Variants in IQSEC1 observed in about 807,000 individuals in gnomAD.
IQSEC1 encodes the protein IQ motif and SEC7 domain-containing protein 1.
A neutral mutation model predicts 91.0 loss-of-function variants in IQSEC1; 31 were observed. That is an observed-to-expected ratio of 0.34 (90% CI 0.26 to 0.46). The LOEUF is 0.46. Ranked by LOEUF, IQSEC1 falls within the 20% of genes least tolerant of loss-of-function variation. The probability of loss-of-function intolerance (pLI) is 1.00; values close to 1 mark genes in which losing one functional copy is unlikely to be tolerated. For synonymous variants in IQSEC1, 699 were observed against 662.6 expected (o/e 1.05, Z -0.84); for missense variants, 1,388 against 1,575.6 (o/e 0.88, Z 2.02).
rs1411527644 is a variant in IQSEC1, at chr3:12,936,637, T to G, written c.379A>C (p.Ile127Leu). The G allele has an allele frequency of 6.2e-7, 1 of 1,610,244 alleles. No homozygotes were observed. The highest frequency in any genetic ancestry group is 1.3e-5 in the African/African-American group (1 of 74,886). Reference protein sequence around the residue: ...RLVTRHAARTIQTAFRQYQMN... With the variant: ...RLVTRHAARTLQTAFRQYQMN... ...TGGTACTGGCGAAACGCCGTCTGGA[T>G]GGTGCGGGCCGCATGGCGGGTTACC... Residue 127 changes from isoleucine to leucine, a missense_variant, in exon 3 of 14, where the codon ATC (isoleucine) becomes CTC (leucine). This residue lies in a region of IQSEC1 where 1,059 missense variants were observed against 1,317.8 expected (regional missense o/e 0.80). Transcript: ENST00000613206.
At chr3:13,245,011 C>G (rs182654979) in intron 1 of IQSEC1, among the ~76,000 whole-genome samples, 1 of 152,300 alleles carries the variant, frequency 6.6e-6, no homozygotes, top group East Asian at 1.9e-4. Context: ...CTAGCTAGGG[C>G]CACTATGATG....
At chr3:13,079,313 G>A (rs1386357747) in intron 2 of IQSEC1, among the ~76,000 whole-genome samples, 2 of 152,264 alleles carry the variant, frequency 1.3e-5, no homozygotes, top group African/African-American at 4.8e-5. Context: ...ACCAATGCTT[G>A]CTTTGGGTCA....
intron 1 of IQSEC1, among the ~76,000 whole-genome samples, chr3:13,028,541 G>T (rs1383798000): frequency 6.6e-6 from 1 of 152,174 alleles, no homozygotes; most frequent in Admixed American, 6.5e-5. Flanking sequence ...CCGGGGTCAG[G>T]GCAGAGCCAG....
intron 2 of IQSEC1, among the ~76,000 whole-genome samples, chr3:12,939,174 A>C (rs912469962): frequency 3.3e-5 from 5 of 152,132 alleles, no homozygotes; most frequent in African/African-American, 9.7e-5. Context: ...CGGAGGGAAG[A>C]CGCTCAGCGG....
chr3:12,986,742 C>T (rs928143884), intron 1 of IQSEC1, among the ~76,000 whole-genome samples: 3 of 152,150 alleles, frequency 2.0e-5, no homozygotes, highest in Admixed American at 6.5e-5. Context: ...CTGAAGAGGA[C>T]GAGGAGCTGG....
chr3:13,277,167 G>T (rs1182721512), intron 1 of IQSEC1, among the ~76,000 whole-genome samples: 2 of 132,346 alleles, frequency 1.5e-5, no homozygotes, highest in Non-Finnish European at 3.1e-5. Context: ...GACCGGATCA[G>T]CTGTCAAAAC....
chr3:13,115,972 G>C (rs6791178), intron 2 of IQSEC1, among the ~76,000 whole-genome samples: 47,484 of 152,112 alleles, frequency 0.31, 7,580 homozygotes, highest in South Asian at 0.48. Flanking sequence ...TGCTATGAAA[G>C]TTTAACCAAT....
At chr3:13,054,420 C>T (rs1273965038) in intron 1 of IQSEC1, among the ~76,000 whole-genome samples, 2 of 152,226 alleles carry the variant, frequency 1.3e-5, no homozygotes, top group Non-Finnish European at 2.9e-5. Flanking sequence ...ACCCTTCTAC[C>T]CTGTCCCCCA....
At chr3:13,046,682 A>C (rs1704508877) in intron 1 of IQSEC1, among the ~76,000 whole-genome samples, 1 of 145,436 alleles carries the variant, frequency 6.9e-6, no homozygotes. Context: ...GGCCACATCC[A>C]CCCTCCACAG....
chr3:12,971,944 C>T (rs181741416), intron 1 of IQSEC1, among the ~76,000 whole-genome samples: 8 of 151,444 alleles, frequency 5.3e-5, no homozygotes, highest in East Asian at 1.9e-4. Flanking sequence ...ATCACTTGAA[C>T]GCAGGAGGCA....
At chr3:13,070,966 G>A (rs1417790362) in intron 1 of IQSEC1, among the ~76,000 whole-genome samples, 1 of 152,116 alleles carries the variant, frequency 6.6e-6, no homozygotes, top group Non-Finnish European at 1.5e-5. Flanking sequence ...ATAGAACATT[G>A]TCCCTGCAAA....
At position 13,270,719 on chromosome 3, in the gene IQSEC1, G is replaced by A. The variant is rs142716232; in HGVS notation, c.272+11992C>T. ...GTTAACACAAAAGAAGGTAGTAATG[G>A]AGGAATATAGGAAGAAAATAGATAT... On this transcript the variant is annotated intron_variant, in intron 1 of 15. Transcript: ENST00000648114. 7.4e-3 allele frequency among the ~76,000 whole-genome samples: 1,120 copies of A among 152,300 alleles called. 11 individuals are homozygous for A. Among genetic ancestry groups the A allele is most frequent in the African/African-American group, 0.026 (1,064 of 41,564 alleles).
intron 2 of IQSEC1, among the ~76,000 whole-genome samples, chr3:13,151,105 G>A (rs773454796): frequency 2.6e-5 from 4 of 152,156 alleles, no homozygotes; most frequent in Non-Finnish European, 5.9e-5. Flanking sequence ...CTCAGAAGTC[G>A]ACACAAATCA....
intron 1 of IQSEC1, among the ~76,000 whole-genome samples, chr3:13,168,737 G>A (rs1197496153): frequency 6.6e-6 from 1 of 152,126 alleles, no homozygotes; most frequent in Non-Finnish European, 1.5e-5. Flanking sequence ...GATCTGTCCT[G>A]TCCCTGGCTT....
intron 2 of IQSEC1, among the ~76,000 whole-genome samples, chr3:13,122,116 C>T (rs1351166950): frequency 0.014 from 2 of 138 alleles, no homozygotes; most frequent in Non-Finnish European, 0.016. Flanking sequence ...AAGAGCAATG[C>T]CCACCCCCGA....
intron 2 of IQSEC1, among the ~76,000 whole-genome samples, chr3:13,136,924 G>A (rs1478764326): frequency 1.3e-5 from 2 of 152,176 alleles, no homozygotes; most frequent in Non-Finnish European, 2.9e-5. Context: ...AACACTTGGT[G>A]CCAGGAGTTC....
intron 1 of IQSEC1, among the ~76,000 whole-genome samples, chr3:13,188,537 A>C (rs1693970393): frequency 6.6e-6 from 1 of 152,270 alleles, no homozygotes; most frequent in African/African-American, 2.4e-5. Context: ...GGGGAAACCA[A>C]GGCCCAGAAA....
At chr3:12,974,000 A>C (rs1701032114) in intron 1 of IQSEC1, among the ~76,000 whole-genome samples, 1 of 152,208 alleles carries the variant, frequency 6.6e-6, no homozygotes, top group Admixed American at 6.5e-5. Flanking sequence ...AGATGAATAA[A>C]AATTAGACGC....
intron 8 of IQSEC1, 39 bp from the exon 9 acceptor site, chr3:12,913,592 TCTC>T: frequency 1.9e-6 from 3 of 1,582,446 alleles, no homozygotes; most frequent in Non-Finnish European, 2.6e-6. Context: ...GCCGCCCAGC[TCTC>T]CTCTAGGAGC....
Sources: gnomAD v4.1 joint callset for allele counts (sites outside exome capture counted in the v4.1 genomes callset) on GRCh38, gnomAD v4.1.1 for gene constraint, gnomAD v4.1.1 regional missense constraint, MANE v1.5 for transcripts, NCBI Gene and HGNC (gene_info 2026-07-23, HGNC 2026-07-21) for gene names.